Variants in SRCIN1 observed in about 807,000 individuals in gnomAD.
SRCIN1 encodes the protein SRC kinase signaling inhibitor 1, also known as P130Cas-associated protein.
A neutral mutation model predicts 116.2 loss-of-function variants in SRCIN1; 50 were observed. The observed-to-expected ratio is 0.43, with a 90% CI of 0.34 to 0.54. SRCIN1 has a LOEUF of 0.54. SRCIN1 is among the 20% of genes least tolerant of loss of function. The pLI, the probability that SRCIN1 is intolerant of heterozygous loss-of-function variation, is 0.02. For synonymous variants in SRCIN1, 736 were observed against 750.0 expected (o/e 0.98, Z 0.30); for missense variants, 1,446 against 1,672.0 (o/e 0.86, Z 2.36).
intron 18 of SRCIN1, chr17:38,542,154 G>T (rs986888659): frequency 2.0e-5 from 3 of 152,562 alleles, no homozygotes; most frequent in Admixed American, 6.5e-5. Flanking sequence ...CGGAGATGGG[G>T]TGGAGGCTGG....
chr17:38,538,609 T>C (rs1597878150), intron 18 of SRCIN1, among the ~76,000 whole-genome samples: 1 of 152,124 alleles, frequency 6.6e-6, no homozygotes, highest in South Asian at 2.1e-4. Flanking sequence ...AGGGTTCCTG[T>C]TCCTTGCAGC....
rs187170675 is a variant in SRCIN1, at chr17:38,597,898, G to C, written c.22+7786C>G. On this transcript the variant is annotated intron_variant, in intron 1 of 18. Transcript: ENST00000617146. The stretch of plus-strand genomic sequence containing the variant: ...ACCCCAGGCTGCCAGTGGACCAGGA[G>C]GGGGTGAGCCATCAGGTTAAGGAGA... 7.2e-5 allele frequency among the ~76,000 whole-genome samples: 11 copies of C among 152,168 alleles called. 1 individual carries two copies. The East Asian group carries it at 7.7e-4, about 11-fold the overall frequency.
rs200202006 is a variant in SRCIN1, at chr17:38,551,309, C to T, written c.2808G>A (p.Glu936=). ...TGGCCTTGAGCAGCTCTGCCTGTGT[C>T]TCTTCCAGCAGCCGGTTGATGTCCT... is the stretch of plus-strand genomic sequence containing the variant. ...SAKDINRLLE[E]TQAELLKAIP... is the part of the protein sequence containing the mutation. The change falls in exon 15 of 19, where the codon GAG becomes GAA. Residue 936 remains glutamate (E), a synonymous_variant. Coordinates refer to ENST00000617146, the MANE Select transcript of SRCIN1 (RefSeq NM_025248.3). The T allele has an allele frequency of 2.7e-3, 4,359 of 1,613,922 alleles. 9 individuals are homozygous for T. Among genetic ancestry groups the T allele is most frequent in the Middle Eastern group, 0.011 (68 of 6,062 alleles).
At chr17:38,554,080 G>T (rs1163377157) in intron 11 of SRCIN1, among the ~76,000 whole-genome samples, 3 of 152,056 alleles carry the variant, frequency 2.0e-5, no homozygotes, top group Admixed American at 2.0e-4. Context: ...CCATGGTGGC[G>T]TGCGGCTGTA....
chr17:38,592,161 C>G (rs749100541), intron 1 of SRCIN1, among the ~76,000 whole-genome samples: 6 of 152,252 alleles, frequency 3.9e-5, no homozygotes, highest in Non-Finnish European at 7.3e-5. Flanking sequence ...GCATCCCATG[C>G]TTGCGCAGTG....
At position 38,560,432 on chromosome 17, in the gene SRCIN1, A is replaced by G; in HGVS notation, c.1701-7T>C. ...CATGGCCTCCATGCGCTCCCTGGGG[A>G]GGAAGGGGGTCTGGGCAACCTCGCC... is the stretch of plus-strand genomic sequence containing the variant. On this transcript the variant is annotated splice_region_variant and splice_polypyrimidine_tract_variant and intron_variant, in intron 7 of 18. Coordinates refer to ENST00000617146, the MANE Select transcript of SRCIN1 (RefSeq NM_025248.3). 6.2e-7 allele frequency: 1 copy of G among 1,605,776 alleles called. No homozygotes were observed. Among genetic ancestry groups the G allele is most frequent in the Non-Finnish European group, 8.5e-7 (1 of 1,176,266 alleles).
chr17:38,557,999 G>A (rs760329352), intron 11 of SRCIN1, among the ~76,000 whole-genome samples: 2 of 152,126 alleles, frequency 1.3e-5, no homozygotes, highest in African/African-American at 2.4e-5. Flanking sequence ...CAAGACCATA[G>A]CAAAAGCAGG....
In SRCIN1 at chr17:38,561,701, G is replaced by A. The variant is rs1292423309; in HGVS notation, c.1462C>T (p.Pro488Ser). 3 of 1,540,338 alleles carry A rather than the reference G, an allele frequency of 1.9e-6. No homozygotes were observed. The highest frequency in any genetic ancestry group is 2.6e-6 in the Non-Finnish European group (3 of 1,148,146). ...GAGTAGGGGCTGTGCGGTGGCGGGG[G>A]ACCTCCGGGGGGTGCTGCCACGTCG... ...LADVAAPPGG[P>S]PPPHSPYSGP... The change falls in exon 7 of 19, where the codon CCC (proline) becomes TCC (serine). Residue 488 changes from proline to serine, a missense_variant. Pro to Ser is a moderately conservative substitution (Grantham distance 74). Transcript: ENST00000617146.
At chr17:38,554,684 C>T (rs760924735) in intron 11 of SRCIN1, among the ~76,000 whole-genome samples, 5 of 152,164 alleles carry the variant, frequency 3.3e-5, no homozygotes, top group Admixed American at 1.3e-4. Flanking sequence ...TGGCATGGTG[C>T]CTGGTGCAGA....
chr17:38,578,684 A>G lies in SRCIN1; in HGVS notation c.130T>C (p.Phe44Leu), dbSNP rs1227879317. The change falls in exon 2 of 19, where the codon TTC (phenylalanine) becomes CTC (leucine). Residue 44 changes from phenylalanine (F) to leucine (L), a missense_variant. Physicochemically the swap from Phe to Leu is conservative, Grantham distance 22 (BLOSUM62 0). Transcript: ENST00000617146. ...GGGGGSGGRR[F>L]SNVGLVHTSE... ...GTGTGCACCAGCCCCACGTTGGAGA[A>G]GCGCCGGCCCCCGCTGCCCCCGCCG... 6.5e-7 allele frequency: 1 copy of G among 1,545,582 alleles called. No homozygotes were observed. Among genetic ancestry groups the G allele is most frequent in the Non-Finnish European group, 8.7e-7 (1 of 1,147,166 alleles).
chr17:38,556,643 G>C (rs1339681464), intron 11 of SRCIN1, among the ~76,000 whole-genome samples: 1 of 152,246 alleles, frequency 6.6e-6, no homozygotes, highest in Admixed American at 6.5e-5. Flanking sequence ...GGCCAGGTTG[G>C]AGCCCAGTAT....
intron 15 of SRCIN1, 39 bp downstream of exon 15, chr17:38,551,116 C>T: frequency 3.4e-6 from 3 of 891,058 alleles, no homozygotes; most frequent in Non-Finnish European, 5.1e-6. Flanking sequence ...GGGCACTCCC[C>T]CACGCTGGGC....
intron 2 of SRCIN1, among the ~76,000 whole-genome samples, chr17:38,574,421 C>A (rs1907275637): frequency 6.6e-6 from 1 of 152,090 alleles, no homozygotes; most frequent in African/African-American, 2.4e-5. Context: ...ATGAACTTAG[C>A]AAGAGGGGTG....
Position 38,561,709 on chromosome 17 carries a change from G to T in SRCIN1, c.1454C>A (p.Pro485His). Residue 485 changes from proline to histidine, a missense_variant, in exon 7 of 19, where the codon CCC becomes CAC. Pro to His is a moderately conservative substitution (Grantham distance 77). Transcript: ENST00000617146. ...GCTGTGCGGTGGCGGGGGACCTCCG[G>T]GGGGTGCTGCCACGTCGGCCAGCTT... ...PQKLADVAAP[P>H]GGPPPPHSPY... 1 of 1,536,758 alleles carries T rather than the reference G, an allele frequency of 6.5e-7. No homozygotes were observed. The highest frequency in any genetic ancestry group is 8.7e-7 in the Non-Finnish European group (1 of 1,147,028).
Position 38,558,188 on chromosome 17 carries a change from G to T in SRCIN1, c.2201+39C>A. 1 of 1,599,518 alleles carries T rather than the reference G, an allele frequency of 6.3e-7. No homozygotes were observed. Among genetic ancestry groups the T allele is most frequent in the Non-Finnish European group, 8.5e-7 (1 of 1,171,558 alleles). The stretch of plus-strand genomic sequence containing the variant: ...AACCAGGTTGCGGGTCACTCCAGCC[G>T]CACCCCCACCCCTCCCTCCGCCGCG... On this transcript the variant is annotated intron_variant, in intron 11 of 18. Coordinates refer to ENST00000617146, the MANE Select transcript of SRCIN1 (RefSeq NM_025248.3). This position sits in a 1 kb window ranked among gnomAD's most constrained non-coding sequence, Gnocchi z 4.6.
At chr17:38,543,742 G>A in intron 18 of SRCIN1, 81 bp downstream of exon 18, 1 of 1,530,392 alleles carries the variant, frequency 6.5e-7, no homozygotes, top group Non-Finnish European at 8.8e-7. Flanking sequence ...CACGGGAGCA[G>A]GGGCAGGAGA....
chr17:38,585,468 C>T lies in SRCIN1; in HGVS notation c.23-6677G>A, dbSNP rs574140490. On this transcript the variant is annotated intron_variant, in intron 1 of 18. Transcript: ENST00000617146. This position sits in a 1 kb window ranked among gnomAD's most constrained non-coding sequence, Gnocchi z 4.2. Reference sequence around the variant, plus strand: ...TGGAGGCCAGAGGACAAAGGTCAACCGGGACCAGATATGTATCAAACTAGG... The same window carrying T: ...TGGAGGCCAGAGGACAAAGGTCAACTGGGACCAGATATGTATCAAACTAGG... Among the ~76,000 whole-genome samples, 51 of 152,148 alleles carry T rather than the reference C, an allele frequency of 3.4e-4. No homozygotes were observed. The highest frequency in any genetic ancestry group is 5.7e-4 in the Non-Finnish European group (39 of 68,030).
intron 17 of SRCIN1, among the ~76,000 whole-genome samples, chr17:38,548,065 C>T (rs1173706019): frequency 6.6e-6 from 1 of 152,174 alleles, no homozygotes; most frequent in Non-Finnish European, 1.5e-5. Context: ...CCTCAGAGCC[C>T]TGGTAGTCCA....
intron 1 of SRCIN1, among the ~76,000 whole-genome samples, chr17:38,605,308 C>G (rs113573739): frequency 1.4e-5 from 2 of 145,082 alleles, no homozygotes; most frequent in African/African-American, 2.6e-5. Flanking sequence ...CTTCTCCCCC[C>G]ACCCTCCTCA....
Sources: gnomAD v4.1 joint callset for allele counts (sites outside exome capture counted in the v4.1 genomes callset) on GRCh38, gnomAD v4.1.1 for gene constraint, Gnocchi (gnomAD v3.1) non-coding constraint, MANE v1.5 for transcripts, NCBI Gene and HGNC (gene_info 2026-07-23, HGNC 2026-07-21) for gene names.